The following SV2B variants were observed in gnomAD, a reference collection of about 807,000 sequenced individuals.
SV2B encodes synaptic vesicle glycoprotein 2B.
In SV2B, 41 loss-of-function variants were observed where a neutral mutation model predicts 73.9. That is an observed-to-expected ratio of 0.56 (90% CI 0.43 to 0.72). The LOEUF is 0.72. SV2B is among the 30% of genes least tolerant of loss of function. SV2B has a pLI of 0.00. For missense variants in SV2B, 764 were observed against 857.8 expected (o/e 0.89, Z 1.37); for synonymous variants, 314 against 314.2 (o/e 1.00, Z 0.01).
intron 4 of SV2B, among the ~76,000 whole-genome samples, chr15:91,257,861 A>G (rs1260508508): frequency 1.3e-5 from 2 of 152,166 alleles, no homozygotes; most frequent in Non-Finnish European, 2.9e-5. Flanking sequence ...CAAGAAATCA[A>G]GACAGGAGTG....
chr15:91,237,908 G>A (rs1293192342), intron 2 of SV2B, among the ~76,000 whole-genome samples: 1 of 152,106 alleles, frequency 6.6e-6, no homozygotes, highest in East Asian at 1.9e-4. Flanking sequence ...CTCTTATTTG[G>A]TCTTTAAATG....
At chr15:91,246,701 C>A (rs1054776357) in intron 2 of SV2B, among the ~76,000 whole-genome samples, 1 of 148,376 alleles carries the variant, frequency 6.7e-6, no homozygotes, top group Non-Finnish European at 1.5e-5. Flanking sequence ...CACCACATCG[C>A]TCCTCCTTTC....
Position 91,128,060 on chromosome 15 carries a change from T to C in SV2B, c.-392+27697T>C, listed in dbSNP as rs1305448126. 6.6e-6 allele frequency among the ~76,000 whole-genome samples: 1 copy of C among 152,210 alleles called. No individual in the cohort carries two copies. Among genetic ancestry groups the C allele is most frequent in the African/African-American group, 2.4e-5 (1 of 41,464 alleles). On this transcript the variant is annotated intron_variant, in intron 1 of 12. Transcript: ENST00000394232. The surrounding 1 kb of genome is among the most constrained non-coding windows in gnomAD (Gnocchi z 4.2). ...GGAGAAAAAGAGAAAAATATACCTG[T>C]GAAAGCTCTTATTATCATTGTCACG...
chr15:91,246,753 TCTC>T (rs930865277), intron 2 of SV2B, among the ~76,000 whole-genome samples: 2 of 148,580 alleles, frequency 1.3e-5, no homozygotes, highest in Admixed American at 1.3e-4. Context: ...TCCTCCTTCT[TCTC>T]CTCTTCCTCC....
chr15:91,099,618 A>G (rs946553641), upstream of SV2B, among the ~76,000 whole-genome samples: 4 of 152,126 alleles, frequency 2.6e-5, no homozygotes, highest in Admixed American at 2.6e-4. Flanking sequence ...GTTTGGAAGG[A>G]GGGAGACAGA....
chr15:91,262,699 G>C (rs752454793), intron 6 of SV2B, among the ~76,000 whole-genome samples: 1 of 152,140 alleles, frequency 6.6e-6, no homozygotes, highest in South Asian at 2.1e-4. Flanking sequence ...ACTTATAAGG[G>C]AGAACATGTA....
intron 1 of SV2B, among the ~76,000 whole-genome samples, chr15:91,222,272 A>G (rs982349071): frequency 2.0e-5 from 3 of 152,206 alleles, no homozygotes; most frequent in Non-Finnish European, 4.4e-5. Context: ...GGGCGCAATA[A>G]TAGTCCCACC....
chr15:91,107,791 T>G (rs2041930278), intron 1 of SV2B, among the ~76,000 whole-genome samples: 1 of 152,106 alleles, frequency 6.6e-6, no homozygotes, highest in Admixed American at 6.5e-5. Flanking sequence ...TAAATTTTTT[T>G]GTAGAGGTGG....
In SV2B at chr15:91,281,149, G is replaced by C. The variant is rs2048669742; in HGVS notation, c.1374-579G>C. Among the ~76,000 whole-genome samples, 1 of 152,208 alleles carries C rather than the reference G, an allele frequency of 6.6e-6. No homozygotes were observed. Among genetic ancestry groups the C allele is most frequent in the Admixed American group, 6.5e-5 (1 of 15,284 alleles). ...TCTTTGAATACATGGGCAAGTATGT[G>C]TAGGATAAATTCCTAGAGGTGGTAT... On this transcript the variant is annotated intron_variant, in intron 9 of 12. Coordinates refer to ENST00000394232, the MANE Select transcript of SV2B (RefSeq NM_001323032.3). The surrounding 1 kb of genome is among the most constrained non-coding windows in gnomAD (Gnocchi z 4.7).
intron 2 of SV2B, among the ~76,000 whole-genome samples, chr15:91,244,546 A>G (rs2141579991): frequency 6.6e-6 from 1 of 152,360 alleles, no homozygotes; most frequent in South Asian, 2.1e-4. Flanking sequence ...AAGCGTCCAG[A>G]TGCCACATAA....
chr15:91,230,586 T>G lies in SV2B; in HGVS notation c.451+3872T>G, dbSNP rs375082623. The stretch of plus-strand genomic sequence containing the variant: ...GTCTCACTTGGGGAAGAAAAAGATC[T>G]GTGAGTATATTGTTAACATTGAAGG... On this transcript the variant is annotated intron_variant, in intron 2 of 12. Coordinates refer to ENST00000394232, the MANE Select transcript of SV2B (RefSeq NM_001323032.3). Among the ~76,000 whole-genome samples the G allele has an allele frequency of 3.5e-4, 53 of 152,366 alleles. No homozygotes were observed. In the East Asian group the frequency reaches 5.0e-3, roughly 14 times the overall value.
At position 91,258,699 on chromosome 15, in the gene SV2B, A is replaced by C; in HGVS notation, c.918+145A>C. On this transcript the variant is annotated intron_variant, in intron 5 of 12. Transcript: ENST00000394232. This position sits in a 1 kb window ranked among gnomAD's most constrained non-coding sequence, Gnocchi z 4.7. ...CCCTGGTCGGCTGACCTCACTCATC[A>C]TTGAATCTGGCACCTGCCGGCTGTG... is the stretch of plus-strand genomic sequence containing the variant. 1 of 1,210,476 alleles carries C rather than the reference A, an allele frequency of 8.3e-7. No individual in the cohort carries two copies. The highest frequency in any genetic ancestry group is 2.7e-5 in the Admixed American group (1 of 37,414). The allele number at this position is 1,210,476 out of a possible 1,614,324, so 75.0% of individuals were successfully genotyped here.
intron 1 of SV2B, among the ~76,000 whole-genome samples, chr15:91,215,579 T>C (rs1189744361): frequency 6.6e-6 from 1 of 152,226 alleles, no homozygotes; most frequent in Non-Finnish European, 1.5e-5. Context: ...TTGCATAGTA[T>C]AAATACATAT....
intron 1 of SV2B, among the ~76,000 whole-genome samples, chr15:91,149,660 G>A: frequency 6.6e-6 from 1 of 152,184 alleles, no homozygotes; most frequent in East Asian, 1.9e-4. Flanking sequence ...ATTGTCTTAT[G>A]TAGCTTTCAA....
intron 1 of SV2B, among the ~76,000 whole-genome samples, chr15:91,175,377 C>G (rs2044267053): frequency 6.6e-6 from 1 of 152,084 alleles, no homozygotes; most frequent in Non-Finnish European, 1.5e-5. Context: ...GCCTCAGCCT[C>G]CCGAGTAGCT....
chr15:91,209,119 T>TTG (rs1555484292), intron 1 of SV2B, among the ~76,000 whole-genome samples: 2 of 139,446 alleles, frequency 1.4e-5, no homozygotes, highest in Admixed American at 1.4e-4. Context: ...TTTTTGTTTT[T>TTG]TTTTTTTTTT....
chr15:91,138,954 A>G (rs1035662998), intron 1 of SV2B, among the ~76,000 whole-genome samples: 1 of 152,246 alleles, frequency 6.6e-6, no homozygotes, highest in South Asian at 2.1e-4. Context: ...AATACAAGGT[A>G]TAGAACGTCT....
In SV2B at chr15:91,253,392, G is replaced by T. The variant is rs2047565033; in HGVS notation, c.784+872G>T. 6.6e-6 allele frequency among the ~76,000 whole-genome samples: 1 copy of T among 152,164 alleles called. No individual in the cohort carries two copies. The highest frequency in any genetic ancestry group is 1.5e-5 in the Non-Finnish European group (1 of 68,020). On this transcript the variant is annotated intron_variant, in intron 4 of 12. Coordinates refer to ENST00000394232, the MANE Select transcript of SV2B (RefSeq NM_001323032.3). This position sits in a 1 kb window ranked among gnomAD's most constrained non-coding sequence, Gnocchi z 5.0. ...CTATTTATTGTCTTGTTTTAAATAT[G>T]ACCCTCTCTGCTGTGCTTTCTCAGC... is the stretch of plus-strand genomic sequence containing the variant.
chr15:91,142,543 A>G (rs993987001), intron 1 of SV2B, among the ~76,000 whole-genome samples: 2 of 152,216 alleles, frequency 1.3e-5, no homozygotes, highest in African/African-American at 2.4e-5. Context: ...TTAAGAAATG[A>G]TAAGATCCTA....
Sources: gnomAD v4.1 joint callset for allele counts (sites outside exome capture counted in the v4.1 genomes callset) on GRCh38, gnomAD v4.1.1 for gene constraint, Gnocchi (gnomAD v3.1) non-coding constraint, MANE v1.5 for transcripts, NCBI Gene and HGNC (gene_info 2026-07-23, HGNC 2026-07-21) for gene names.